The following CARS2 variants were observed in gnomAD, a reference collection of about 807,000 sequenced individuals.
The protein encoded by CARS2 is probable cysteine--tRNA ligase, mitochondrial.
A neutral mutation model predicts 68.8 loss-of-function variants in CARS2; 52 were observed. That is an observed-to-expected ratio of 0.76 (90% confidence interval 0.61 to 0.95). CARS2 has a LOEUF of 0.95. Ranked by LOEUF, CARS2 falls within the 40% of genes least tolerant of loss-of-function variation. The pLI, the probability that CARS2 is intolerant of heterozygous loss-of-function variation, is 0.00. For missense variants in CARS2, 780 were observed against 754.2 expected (o/e 1.03, Z -0.40); for synonymous variants, 314 against 303.6 (o/e 1.03, Z -0.36).
At chr13:110,656,889 GA>G (rs11322756) in intron 9 of CARS2, among the ~76,000 whole-genome samples, 62,706 of 135,474 alleles carry the variant, frequency 0.46, 14,098 homozygotes, top group African/African-American at 0.62. Context: ...GTCTCAAAAA[GA>G]AAAAAAAAAA....
At chr13:110,679,597 A>AAGAGAG (rs1198413028) in intron 6 of CARS2, among the ~76,000 whole-genome samples, 6 of 43,692 alleles carry the variant, frequency 1.4e-4, no homozygotes, top group Non-Finnish European at 1.9e-4. Flanking sequence ...GAAAGAAAGA[A>AAGAGAG]AGAGAGAGAG....
chr13:110,673,672 C>G (rs1301831627), intron 7 of CARS2, among the ~76,000 whole-genome samples: 2 of 152,082 alleles, frequency 1.3e-5, no homozygotes, highest in Non-Finnish European at 2.9e-5. Context: ...GATGCCCTCT[C>G]TCACCACTCC....
chr13:110,701,671 G>C (rs905664072), intron 2 of CARS2, 116 bp from the exon 3 acceptor site: 1 of 662,582 alleles, frequency 1.5e-6, no homozygotes, highest in South Asian at 1.7e-5. Context: ...TAGCACAATG[G>C]ACAGGTCAGC....
upstream of CARS2, chr13:110,706,295 A>T (rs572961489): frequency 3.9e-5 from 13 of 336,344 alleles, no homozygotes; most frequent in African/African-American, 2.8e-4. Context: ...GGGCCCGAAG[A>T]GGTTGGGGCG....
At chr13:110,704,478 C>T (rs1211778243) in intron 2 of CARS2, among the ~76,000 whole-genome samples, 2 of 152,310 alleles carry the variant, frequency 1.3e-5, no homozygotes, top group African/African-American at 4.8e-5. Flanking sequence ...AATCCCAACA[C>T]TTTGGGAGGC....
chr13:110,677,133 A>T, intron 6 of CARS2, 30 bp from the exon 7 acceptor site: 1 of 1,572,954 alleles, frequency 6.4e-7, no homozygotes, highest in Non-Finnish European at 8.7e-7. Flanking sequence ...CATCAGTGGG[A>T]AGAAGCTCAG....
chr13:110,651,279 C>A (rs763800328), intron 9 of CARS2, 179 bp from the exon 10 acceptor site: 15 of 555,766 alleles, frequency 2.7e-5, no homozygotes, highest in Non-Finnish European at 4.4e-5. Flanking sequence ...GATTTCCTCA[C>A]TGAACTTTCC....
intron 12 of CARS2, chr13:110,645,741 G>A (rs1273652689): frequency 2.0e-6 from 1 of 493,266 alleles, no homozygotes; most frequent in Non-Finnish European, 3.5e-6. Context: ...AGGGGCTCCT[G>A]AGAGCTTGTT....
chr13:110,641,990 T>C (rs1387132051), intron 14 of CARS2, among the ~76,000 whole-genome samples: 1 of 151,948 alleles, frequency 6.6e-6, no homozygotes, highest in Non-Finnish European at 1.5e-5. Context: ...TCACCTGAGG[T>C]CGGGAGTTTG....
At chr13:110,669,633 G>T (rs1331966972) in intron 7 of CARS2, among the ~76,000 whole-genome samples, 1 of 152,144 alleles carries the variant, frequency 6.6e-6, no homozygotes, top group Non-Finnish European at 1.5e-5. Context: ...CCAGTCTACA[G>T]CTCCCAGCAT....
At chr13:110,710,421 T>C (rs1476970849), upstream of CARS2, among the ~76,000 whole-genome samples, 2 of 152,204 alleles carry the variant, frequency 1.3e-5, no homozygotes, top group African/African-American at 4.8e-5. Context: ...CTCTTATATC[T>C]GACTCTCATA....
In CARS2 at chr13:110,646,032, T is replaced by G. The variant is rs1888066533; in HGVS notation, c.1252A>C (p.Arg418=). ...AGGCCCAGGATGGCATCAACCACCC[T>G]GGGTGTGTCAAAATCATCTGCCAAG... The part of the protein sequence containing the change: ...AALADDFDTP[R]VVDAILGLAH... The change falls in exon 12 of 15, where the codon AGG becomes CGG. Residue 418 remains arginine, a synonymous_variant. Transcript: ENST00000257347. 1 of 1,613,714 alleles carries G rather than the reference T, an allele frequency of 6.2e-7. No individual in the cohort carries two copies. Among genetic ancestry groups the G allele is most frequent in the African/African-American group, 1.3e-5 (1 of 74,882 alleles).
chr13:110,644,123 T>C (rs947556022), intron 13 of CARS2: 61 of 1,380,732 alleles, frequency 4.4e-5, no homozygotes, highest in Non-Finnish European at 5.5e-5. Flanking sequence ...TGTGCAGAGC[T>C]GGCGACATTC....
At chr13:110,657,482 G>A (rs1008536739) in intron 9 of CARS2, among the ~76,000 whole-genome samples, 1 of 152,206 alleles carries the variant, frequency 6.6e-6, no homozygotes, top group Non-Finnish European at 1.5e-5. Context: ...TGGGGGACCG[G>A]AGCCAGTCAG....
At chr13:110,694,228 G>T (rs981716169) in intron 3 of CARS2, among the ~76,000 whole-genome samples, 3 of 151,658 alleles carry the variant, frequency 2.0e-5, no homozygotes, top group Non-Finnish European at 4.4e-5. Flanking sequence ...GTTTCTCCAC[G>T]GTGGTTAGGC....
At chr13:110,706,164 C>T (rs1209792314), upstream of CARS2, 4 of 1,121,400 alleles carry the variant, frequency 3.6e-6, no homozygotes, top group Non-Finnish European at 4.5e-6. Flanking sequence ...CGCTCAAGAG[C>T]AGCACGGCCC....
At chr13:110,691,644 ACCT>A (rs1450216534) in intron 3 of CARS2, among the ~76,000 whole-genome samples, 1 of 151,710 alleles carries the variant, frequency 6.6e-6, no homozygotes, top group Non-Finnish European at 1.5e-5. Flanking sequence ...CCAACACTCT[ACCT>A]CCCACCCCTA....
At chr13:110,713,120 C>T (rs572712703) in intron 1 of CARS2, 1 of 1,430,004 alleles carries the variant, frequency 7.0e-7, no homozygotes, top group Non-Finnish European at 9.1e-7. Context: ...AGTAAGAGTC[C>T]GGGGGGCATT....
At chr13:110,701,098 C>T (rs1043300748) in intron 3 of CARS2, among the ~76,000 whole-genome samples, 1 of 151,972 alleles carries the variant, frequency 6.6e-6, no homozygotes, top group African/African-American at 2.4e-5. Flanking sequence ...ACAGAGTCTC[C>T]ATGACCCAGG....
Sources: gnomAD v4.1 joint callset for allele counts (sites outside exome capture counted in the v4.1 genomes callset) on GRCh38, gnomAD v4.1.1 for gene constraint, MANE v1.5 for transcripts, NCBI Gene and HGNC (gene_info 2026-07-23, HGNC 2026-07-21) for gene names.